CLSPN: variants seen among roughly 807,000 people sequenced by gnomAD.
CLSPN encodes claspin homolog.
Under a neutral mutation model 156.3 loss-of-function variants are expected in CLSPN, and 85 were observed. That is an observed-to-expected ratio of 0.54 (90% CI 0.46 to 0.65). The LOEUF is 0.65. Among genes scored for constraint, CLSPN ranks in the 30% least tolerant of loss-of-function variants. The probability of loss-of-function intolerance (pLI) is 0.00; values close to 1 mark genes in which losing one functional copy is unlikely to be tolerated. For missense variants in CLSPN, 1,407 were observed against 1,554.9 expected, an observed-to-expected ratio of 0.90 and a Z score of 1.60; for synonymous variants, 534 against 542.4, an observed-to-expected ratio of 0.98 and a Z score of 0.22.
At chr1:35,721,754 A>T (rs1641078898) in intron 24 of CLSPN, among the ~76,000 whole-genome samples, 1 of 152,118 alleles carries the variant, frequency 6.6e-6, no homozygotes, top group African/African-American at 2.4e-5. Context: ...CTTAGTCCTT[A>T]GGTAAATCAT....
chr1:35,745,040 T>C (rs1022798918), intron 16 of CLSPN, among the ~76,000 whole-genome samples: 8 of 152,216 alleles, frequency 5.3e-5, no homozygotes, highest in African/African-American at 1.9e-4. Flanking sequence ...CTCGAACTCC[T>C]GACCTCAGAT....
At chr1:35,737,456 A>T in intron 22 of CLSPN, 35 bp from the exon 23 acceptor site, 1 of 1,510,398 alleles carries the variant, frequency 6.6e-7, no homozygotes, top group East Asian at 2.3e-5. Flanking sequence ...TATTCTGGGA[A>T]AAGCTGATTA....
chr1:35,722,343 G>A (rs998709607), intron 24 of CLSPN, among the ~76,000 whole-genome samples: 1 of 142,768 alleles, frequency 7.0e-6, no homozygotes, highest in South Asian at 2.2e-4. Flanking sequence ...CAACCTCCAC[G>A]TCCTGGGTTC....
chr1:35,736,133 G>A lies in CLSPN; in HGVS notation c.*363C>T, dbSNP rs552080075. 4.5e-4 allele frequency: 282 copies of A among 623,314 alleles called. No homozygotes were observed. The highest frequency in any genetic ancestry group is 8.5e-4 in the Middle Eastern group (1 of 1,180). The allele number at this position is 623,314 out of a possible 1,614,324, so 38.6% of individuals were successfully genotyped here. A position where few individuals can be genotyped will look rare whatever the true frequency, so the allele number is the denominator to read the frequency against. ...CTCGGGAGGCTGAAGGAGGAGAATC[G>A]CTTGAACCTGGGAGGCAGAGATTGT... On this transcript the variant is annotated 3_prime_UTR_variant, in exon 25 of 25. Transcript: ENST00000318121.
rs376591604 is a variant in CLSPN, at chr1:35,764,385, T to C, written c.463A>G (p.Ile155Val). Residue 155 changes from isoleucine to valine, a missense_variant, in exon 3 of 25, where the codon ATA becomes GTA. By Grantham distance (29) the Ile-to-Val change is conservative. Around this residue, in one of 3 missense-constraint regions of CLSPN, gnomAD observed 1,096 missense variants for 1,193.0 expected, o/e 0.92. Coordinates refer to ENST00000318121, the MANE Select transcript of CLSPN (RefSeq NM_022111.4). ...TTDRKSSKKH[I>V]HDKEGTAGKA... ...CCTGCAGTTCCTTCTTTATCATGTATGTGCTTTTTGGAACTCTTTCTGTCA... is the reference window on the plus strand; with the variant it reads ...CCTGCAGTTCCTTCTTTATCATGTACGTGCTTTTTGGAACTCTTTCTGTCA... 28 of 1,613,704 alleles carry C rather than the reference T, an allele frequency of 1.7e-5. No homozygotes were observed. Among genetic ancestry groups the C allele is most frequent in the African/African-American group, 1.6e-4 (12 of 74,914 alleles).
intron 10 of CLSPN, among the ~76,000 whole-genome samples, chr1:35,750,965 G>C (rs1642062481): frequency 6.6e-6 from 1 of 151,526 alleles, no homozygotes; most frequent in African/African-American, 2.4e-5. Context: ...TTTAATATTA[G>C]CATTATTATA....
intron 9 of CLSPN, 136 bp from the exon 10 acceptor site, chr1:35,751,642 T>C (rs1642090278): frequency 1.8e-6 from 2 of 1,119,976 alleles, no homozygotes; most frequent in Admixed American, 6.1e-5. Flanking sequence ...TTTTGTTATT[T>C]GAACACAAGA....
intron 12 of CLSPN, 109 bp downstream of exon 12, chr1:35,749,358 G>A (rs1306181895): frequency 8.1e-6 from 8 of 993,140 alleles, no homozygotes; most frequent in Non-Finnish European, 1.2e-5. Context: ...ATATGAAACT[G>A]GGAAGTGACC....
chr1:35,736,303 C>G lies in CLSPN; in HGVS notation c.*193G>C. 1 of 1,213,658 alleles carries G rather than the reference C, an allele frequency of 8.2e-7. No individual in the cohort carries two copies. The highest frequency in any genetic ancestry group is 1.0e-6 in the Non-Finnish European group (1 of 976,080). 75.2% of individuals were successfully genotyped at this position (1,213,658 alleles called of 1,614,324 possible). On this transcript the variant is annotated 3_prime_UTR_variant, in exon 25 of 25. Coordinates refer to ENST00000318121, the MANE Select transcript of CLSPN (RefSeq NM_022111.4). ...ATACTGCAGAATTGAAATCAGTGGC[C>G]AATTCAGGGAATAATACTAGGAAAA...
intron 1 of CLSPN, among the ~76,000 whole-genome samples, chr1:35,769,491 C>T (rs539091703): frequency 2.0e-5 from 3 of 152,348 alleles, no homozygotes; most frequent in Middle Eastern, 3.4e-3. Context: ...TAGAGCCTCC[C>T]GGCTTTCAGA....
intron 9 of CLSPN, among the ~76,000 whole-genome samples, chr1:35,751,845 G>A (rs998033560): frequency 3.9e-5 from 6 of 152,280 alleles, no homozygotes; most frequent in African/African-American, 1.2e-4. Context: ...AACGACTCGA[G>A]TAAAATGAGC....
exon 25 of CLSPN, chr1:35,720,803 C>T: frequency 1.1e-6 from 1 of 931,452 alleles, no homozygotes; most frequent in Non-Finnish European, 1.7e-6. Context: ...GCAGTTCTGC[C>T]CAGACCACAG....
At chr1:35,754,086 A>T in intron 8 of CLSPN, 150 bp from the exon 9 acceptor site, 1 of 617,380 alleles carries the variant, frequency 1.6e-6, no homozygotes, top group Non-Finnish European at 2.7e-6. Context: ...CTAACTCCTG[A>T]GTCAAATTCA....
chr1:35,751,423 G>A lies in CLSPN; in HGVS notation c.1855C>T (p.Leu619=), dbSNP rs115523318. ...RFEERQKRQA[L]FKLDNEDGFE... is the part of the protein sequence containing the mutation. ...CCATCTTCATTATCTAATTTAAACA[G>A]TGCTTGGCGCTTCTGGCGCTCCTCA... The change falls in exon 10 of 25, where the codon CTG becomes TTG. Residue 619 remains leucine (L), a synonymous_variant. Transcript: ENST00000318121. 3.4e-4 allele frequency: 552 copies of A among 1,613,820 alleles called. 8 individuals are homozygous for A. In the East Asian group the frequency reaches 0.012, roughly 35 times the overall value.
intron 24 of CLSPN, 110 bp from the exon 25 acceptor site, chr1:35,736,716 A>C (rs1413791185): frequency 1.4e-6 from 2 of 1,444,516 alleles, no homozygotes; most frequent in Non-Finnish European, 1.8e-6. Context: ...AACAGAAAAA[A>C]AGAAAGAAAG....
At chr1:35,726,504 G>A (rs1289294345) in intron 24 of CLSPN, among the ~76,000 whole-genome samples, 1 of 152,158 alleles carries the variant, frequency 6.6e-6, no homozygotes, top group African/African-American at 2.4e-5. Flanking sequence ...GTTTCAAGAA[G>A]TCAAATTGTG....
Position 35,757,472 on chromosome 1 carries a change from T to C in CLSPN, c.1579+2870A>G, listed in dbSNP as rs181537528. Among the ~76,000 whole-genome samples the C allele has an allele frequency of 2.2e-4, 34 of 152,328 alleles. 1 individual carries two copies. The highest frequency in any genetic ancestry group is 3.1e-4 in the African/African-American group (13 of 41,574). On this transcript the variant is annotated intron_variant, in intron 8 of 24. Coordinates refer to ENST00000318121, the MANE Select transcript of CLSPN (RefSeq NM_022111.4). ...AGTTAAAAAATAAGTGCTCATTATA[T>C]GCCAGCCACTGTGTAGGTCCCTTTA... is the stretch of plus-strand genomic sequence containing the variant.
In CLSPN at chr1:35,760,463, A is replaced by T; in HGVS notation, c.1458T>A (p.Pro486=). 6.2e-7 allele frequency: 1 copy of T among 1,614,192 alleles called. No homozygotes were observed. ...QQNKSSAVGP[P]EKVRRFTLDR... Reference sequence around the variant, plus strand: ...CCAGAGTAAACCGTCTCACTTTTTCAGGTGGCCCAACTGCTGATGATTTAT... The same window carrying T: ...CCAGAGTAAACCGTCTCACTTTTTCTGGTGGCCCAACTGCTGATGATTTAT... Residue 486 remains proline, a synonymous_variant, in exon 8 of 25, where the codon CCT becomes CCA. Coordinates refer to ENST00000318121, the MANE Select transcript of CLSPN (RefSeq NM_022111.4).
chr1:35,738,108 AAAAAAATATATAT>A lies in CLSPN; in HGVS notation c.3559-24_3559-12del. 1.6e-6 allele frequency: 1 copy of A among 626,392 alleles called. No individual in the cohort carries two copies. The highest frequency in any genetic ancestry group is 3.9e-5 in the East Asian group (1 of 25,838). 38.8% of individuals were successfully genotyped at this position (626,392 alleles called of 1,614,324 possible). On this transcript the variant is annotated splice_polypyrimidine_tract_variant and intron_variant, in intron 21 of 24. Coordinates refer to ENST00000318121, the MANE Select transcript of CLSPN (RefSeq NM_022111.4). The stretch of plus-strand genomic sequence containing the variant: ...TTTCCCCTGCTGTGCCTGAAAAAAA[AAAAAAATATATAT>A]ATATATATATATATATATACAGCAT...
Sources: allele counts gnomAD v4.1 joint callset (sites outside exome capture counted in the v4.1 genomes callset), GRCh38; gene constraint gnomAD v4.1.1; regional missense constraint gnomAD v4.1.1; transcripts MANE v1.5; gene names NCBI Gene and HGNC (gene_info 2026-07-23, HGNC 2026-07-21).